The following ANK2 variants were observed in gnomAD, a reference collection of about 807,000 sequenced individuals.
ANK2 encodes the protein ankyrin-2.
In ANK2, 83 loss-of-function variants were observed where a neutral mutation model predicts 360.5. The observed-to-expected ratio is 0.23, with a 90% CI of 0.19 to 0.28. ANK2 has a LOEUF of 0.28. Ranked by LOEUF, ANK2 falls within the 10% of genes least tolerant of loss-of-function variation. The probability of loss-of-function intolerance (pLI) is 1.00; values close to 1 mark genes in which losing one functional copy is unlikely to be tolerated. For synonymous variants in ANK2, 1,740 were observed against 1,759.5 expected (o/e 0.99, Z 0.28); for missense variants, 4,201 against 4,795.7 (o/e 0.88, Z 3.66).
chr4:112,947,245 G>A (rs768266625), intron 2 of ANK2, among the ~76,000 whole-genome samples: 3 of 152,006 alleles, frequency 2.0e-5, no homozygotes, highest in Non-Finnish European at 2.9e-5. Flanking sequence ...TTTTTATGTC[G>A]CTCATTAAGA....
intron 1 of ANK2, among the ~76,000 whole-genome samples, chr4:113,092,960 A>G (rs1370199004): frequency 1.3e-5 from 2 of 152,194 alleles, no homozygotes; most frequent in Non-Finnish European, 2.9e-5. Context: ...CAAGGGTTAA[A>G]GAGTCTAGTG....
the ANK2 span, chr4:112,738,742 A>C: frequency 3.2e-6 from 2 of 618,866 alleles, no homozygotes; most frequent in Admixed American, 3.7e-5. Flanking sequence ...ATCCGGCACC[A>C]GTCAGACCCA....
intron 1 of ANK2, among the ~76,000 whole-genome samples, chr4:112,861,681 TC>T (rs2068063064): frequency 6.6e-6 from 1 of 152,192 alleles, no homozygotes; most frequent in Non-Finnish European, 1.5e-5. Context: ...ATAGTTAGTG[TC>T]TCAAGGGACC....
chr4:113,071,260 C>T (rs1170907845), intron 1 of ANK2, among the ~76,000 whole-genome samples: 1 of 152,152 alleles, frequency 6.6e-6, no homozygotes, highest in Non-Finnish European at 1.5e-5. Context: ...AGCACTGGCG[C>T]GTGTGACAGC....
intron 1 of ANK2, among the ~76,000 whole-genome samples, chr4:112,856,567 A>G (rs1309177515): frequency 6.6e-6 from 1 of 152,126 alleles, no homozygotes; most frequent in Non-Finnish European, 1.5e-5. Context: ...ATCTCTACTA[A>G]AAATGCAAAA....
At chr4:113,139,043 T>G (rs2096545346) in intron 1 of ANK2, among the ~76,000 whole-genome samples, 1 of 152,210 alleles carries the variant, frequency 6.6e-6, no homozygotes, top group African/African-American at 2.4e-5. Flanking sequence ...AAATGATCAT[T>G]AGTACAATAC....
chr4:113,359,468 C>T (rs751856941), intron 38 of ANK2, among the ~76,000 whole-genome samples, 169 bp downstream of exon 38: 2 of 152,216 alleles, frequency 1.3e-5, no homozygotes, highest in East Asian at 3.9e-4. Flanking sequence ...TCTGTATACT[C>T]TTGTCTAAGA....
chr4:113,343,900 C>A (rs147567712), intron 34 of ANK2, among the ~76,000 whole-genome samples: 1 of 152,132 alleles, frequency 6.6e-6, no homozygotes, highest in Admixed American at 6.5e-5. Flanking sequence ...TGGCTTCTGT[C>A]GTTTTTTTTC....
rs545702393 is a variant in ANK2 at position 112,908,357 on chromosome 4, G to A, written c.21+3843G>A. Among the ~76,000 whole-genome samples, 166 of 152,322 alleles carry A rather than the reference G, an allele frequency of 1.1e-3. 1 individual carries two copies. The highest frequency in any genetic ancestry group is 3.7e-3 in the African/African-American group (154 of 41,578). On this transcript the variant is annotated intron_variant, in intron 2 of 30. Transcript: ENST00000503271. ...CTCATACTGCAAATCACCAGCAAATGTGGCAGAGCCAAAATTCAGATCCAG... is the reference window on the plus strand; with the variant it reads ...CTCATACTGCAAATCACCAGCAAATATGGCAGAGCCAAAATTCAGATCCAG...
intron 1 of ANK2, among the ~76,000 whole-genome samples, chr4:113,076,102 G>A (rs1475364271): frequency 6.6e-6 from 1 of 152,218 alleles, no homozygotes; most frequent in East Asian, 1.9e-4. Context: ...ATTGCTTTAA[G>A]ACAGGGGTAT....
At chr4:112,799,823 C>CT in the ANK2 span, among the ~76,000 whole-genome samples, 738 of 125,962 alleles carry the variant, frequency 5.9e-3, 9 homozygotes, top group South Asian at 0.013. Context: ...CAGCCCACCT[C>CT]TTTTTTTTTT....
chr4:113,320,735 T>G (rs533808748), intron 26 of ANK2, among the ~76,000 whole-genome samples: 1 of 152,314 alleles, frequency 6.6e-6, no homozygotes, highest in African/African-American at 2.4e-5. Flanking sequence ...CTGGCATTGA[T>G]ACTGTCTACA....
chr4:112,762,657 G>A, the ANK2 span, among the ~76,000 whole-genome samples: 2 of 151,948 alleles, frequency 1.3e-5, no homozygotes, highest in Non-Finnish European at 2.9e-5. Flanking sequence ...CTACAGGCCT[G>A]CGCCACCATG....
intron 1 of ANK2, among the ~76,000 whole-genome samples, chr4:113,060,750 T>G (rs1456209584): frequency 6.6e-6 from 1 of 151,862 alleles, no homozygotes; most frequent in African/African-American, 2.4e-5. Flanking sequence ...AGAAAAGTTT[T>G]TTTATGTAGT....
chr4:112,990,921 T>C (rs1219502736), intron 2 of ANK2, among the ~76,000 whole-genome samples: 2 of 152,166 alleles, frequency 1.3e-5, no homozygotes, highest in Non-Finnish European at 2.9e-5. Flanking sequence ...TGGATGTTCT[T>C]AAATTACAAC....
At chr4:113,189,048 C>A (rs1306514615) in intron 2 of ANK2, among the ~76,000 whole-genome samples, 1 of 152,088 alleles carries the variant, frequency 6.6e-6, no homozygotes, top group Non-Finnish European at 1.5e-5. Flanking sequence ...TAAAATTTGA[C>A]CATTTCTCAT....
chr4:113,160,626 A>T (rs1450175716), intron 1 of ANK2, among the ~76,000 whole-genome samples: 1 of 152,152 alleles, frequency 6.6e-6, no homozygotes, highest in African/African-American at 2.4e-5. Flanking sequence ...ATATTTCCAG[A>T]AATACTTCTC....
At chr4:112,707,718 CAG>C in the ANK2 span, among the ~76,000 whole-genome samples, 1 of 152,094 alleles carries the variant, frequency 6.6e-6, no homozygotes, top group African/African-American at 2.4e-5. Context: ...TATTAATAAA[CAG>C]AATATGTGCA....
chr4:112,815,764 A>C (rs914610040), upstream of ANK2, among the ~76,000 whole-genome samples: 2 of 152,234 alleles, frequency 1.3e-5, no homozygotes, highest in African/African-American at 4.8e-5. Context: ...TAACAATAGG[A>C]TTCAGAGAGC....
Sources: allele counts gnomAD v4.1 joint callset (sites outside exome capture counted in the v4.1 genomes callset), GRCh38; gene constraint gnomAD v4.1.1; transcripts MANE v1.5; gene names NCBI Gene and HGNC (gene_info 2026-07-23, HGNC 2026-07-21).